GRID2: variants seen among roughly 807,000 people sequenced by gnomAD.
GRID2 encodes the protein glutamate receptor ionotropic, delta-2.
A neutral mutation model predicts 114.8 loss-of-function variants in GRID2; 33 were observed. The observed-to-expected ratio is 0.29, with a 90% CI of 0.22 to 0.38. GRID2 has a LOEUF of 0.38. Ranked by LOEUF, GRID2 falls within the 10% of genes least tolerant of loss-of-function variation. GRID2 has a pLI of 1.00. For synonymous variants in GRID2, 505 were observed against 449.9 expected (o/e 1.12, Z -1.55); for missense variants, 1,184 against 1,257.7 (o/e 0.94, Z 0.89).
chr4:93,319,024 C>G (rs1260276912), intron 8 of GRID2: 1 of 152,086 alleles, frequency 6.6e-6, no homozygotes, highest in Non-Finnish European at 1.5e-5. Context: ...ATACTCCAAT[C>G]GTAATAGTAA....
At chr4:92,618,361 G>A (rs1411558423) in intron 2 of GRID2, among the ~76,000 whole-genome samples, 1 of 151,522 alleles carries the variant, frequency 6.6e-6, no homozygotes, top group Non-Finnish European at 1.5e-5. Context: ...CTGTTTAATT[G>A]GTCTATATTT....
intron 1 of GRID2, among the ~76,000 whole-genome samples, chr4:92,489,490 A>G (rs1723048071): frequency 2.0e-5 from 3 of 152,000 alleles, no homozygotes; most frequent in East Asian, 1.9e-4. Flanking sequence ...AAATCATGGT[A>G]CAAGTTTAAT....
rs573930081 is a variant in GRID2 at position 92,833,607 on chromosome 4, A to G, written c.244+243321A>G. ...TTTACCATCACATAAACAGCTACAG[A>G]TGAAGAATAAAAGGATAACCAATTC... On this transcript the variant is annotated intron_variant, in intron 2 of 15. Transcript: ENST00000282020. The G allele has an allele frequency of 2.0e-5, 3 of 152,344 alleles. No individual in the cohort carries two copies. The South Asian group carries it at 6.2e-4, about 32-fold the overall frequency. The allele number at this position is 152,344 out of a possible 1,614,324, so 9.4% of individuals were successfully genotyped here. A position where few individuals can be genotyped will look rare whatever the true frequency, so the allele number is the denominator to read the frequency against.
intron 2 of GRID2, among the ~76,000 whole-genome samples, chr4:92,920,053 T>TAGGA (rs1327949657): frequency 6.6e-6 from 1 of 152,210 alleles, no homozygotes; most frequent in Admixed American, 6.5e-5. Context: ...CATATGTATT[T>TAGGA]AGGATAGTTA....
intron 1 of GRID2, among the ~76,000 whole-genome samples, chr4:92,412,072 T>C (rs1731364640): frequency 6.6e-6 from 1 of 151,892 alleles, no homozygotes; most frequent in African/African-American, 2.4e-5. Context: ...ACTATACATT[T>C]TTATTTTCAA....
rs528309006 is a variant in GRID2 at position 93,219,165 on chromosome 4, A to G, written c.963+2254A>G. Reference sequence around the variant, plus strand: ...ATTCTAAATAGAAAAAAAGGAAAGAATTTTGATTTAGAAAATTATAAAATA... The same window carrying G: ...ATTCTAAATAGAAAAAAAGGAAAGAGTTTTGATTTAGAAAATTATAAAATA... On this transcript the variant is annotated intron_variant, in intron 6 of 15. Coordinates refer to ENST00000282020, the MANE Select transcript of GRID2 (RefSeq NM_001510.4). Among the ~76,000 whole-genome samples the G allele has an allele frequency of 1.4e-3, 215 of 152,340 alleles. 1 individual carries two copies. Among genetic ancestry groups the G allele is most frequent in the Non-Finnish European group, 2.5e-3 (169 of 68,024 alleles).
intron 2 of GRID2, among the ~76,000 whole-genome samples, chr4:93,031,363 G>A (rs566215939): frequency 4.7e-4 from 72 of 152,060 alleles, no homozygotes; most frequent in African/African-American, 1.7e-3. Flanking sequence ...ACTCTCCTAC[G>A]GATATAATTA....
intron 8 of GRID2, among the ~76,000 whole-genome samples, chr4:93,246,383 C>A (rs968023844): frequency 6.6e-6 from 1 of 151,880 alleles, no homozygotes; most frequent in Non-Finnish European, 1.5e-5. Flanking sequence ...GTCAGGAGAT[C>A]GAGATCATCC....
At position 92,713,461 on chromosome 4, in the gene GRID2, T is replaced by TTACATA. The variant is rs200900799; in HGVS notation, c.244+123190_244+123195dup. On this transcript the variant is annotated intron_variant, in intron 2 of 15. Coordinates refer to ENST00000282020, the MANE Select transcript of GRID2 (RefSeq NM_001510.4). ...GTTAACATAGACAGTTTACATATAT[T>TTACATA]TACATATACATATACATATATATAT... Among the ~76,000 whole-genome samples the TTACATA allele has an allele frequency of 1.1e-3, 95 of 85,560 alleles. 1 individual carries two copies. Among genetic ancestry groups the TTACATA allele is most frequent in the South Asian group, 2.6e-3 (6 of 2,350 alleles). 56.1% of individuals were successfully genotyped at this position (85,560 alleles called of 152,430 possible). A position where few individuals can be genotyped will look rare whatever the true frequency, so the allele number is the denominator to read the frequency against.
At chr4:93,542,274 T>C (rs1025189556) in intron 13 of GRID2, among the ~76,000 whole-genome samples, 1 of 152,130 alleles carries the variant, frequency 6.6e-6, no homozygotes, top group Non-Finnish European at 1.5e-5. Flanking sequence ...GTTTATTGAG[T>C]AAAATATTTT....
At chr4:92,773,560 G>C (rs146920670) in intron 2 of GRID2, among the ~76,000 whole-genome samples, 1 of 151,962 alleles carries the variant, frequency 6.6e-6, no homozygotes, top group East Asian at 1.9e-4. Context: ...TTCTTTTAAA[G>C]TCCAAGATTT....
intron 13 of GRID2, among the ~76,000 whole-genome samples, chr4:93,562,305 A>C (rs979725950): frequency 1.6e-4 from 24 of 152,074 alleles, no homozygotes; most frequent in African/African-American, 5.8e-4. Context: ...TAATAATAAT[A>C]AGATGTCATA....
chr4:92,545,484 T>C (rs1726200696), intron 1 of GRID2, among the ~76,000 whole-genome samples: 1 of 152,108 alleles, frequency 6.6e-6, no homozygotes. Context: ...AAACGTCAGG[T>C]TGATTCTTTT....
At chr4:93,184,562 T>C (rs942490883) in intron 4 of GRID2, among the ~76,000 whole-genome samples, 1 of 147,882 alleles carries the variant, frequency 6.8e-6, no homozygotes, top group Non-Finnish European at 1.5e-5. Flanking sequence ...ATTTCTCAAG[T>C]CCCTACAGCT....
At chr4:93,048,382 G>A (rs969203676) in intron 2 of GRID2, among the ~76,000 whole-genome samples, 3 of 151,674 alleles carry the variant, frequency 2.0e-5, no homozygotes, top group African/African-American at 7.3e-5. Flanking sequence ...TTTCAGTGAG[G>A]GTCCTAGTCT....
intron 2 of GRID2, among the ~76,000 whole-genome samples, chr4:92,970,975 GTGTA>G (rs1039847934): frequency 2.6e-5 from 4 of 151,392 alleles, no homozygotes; most frequent in Admixed American, 1.3e-4. Flanking sequence ...TACATCGTGC[GTGTA>G]TGTGTGTCTG....
intron 1 of GRID2, among the ~76,000 whole-genome samples, chr4:92,315,112 A>C (rs532685259): frequency 6.6e-6 from 1 of 152,296 alleles, no homozygotes; most frequent in Non-Finnish European, 1.5e-5. Flanking sequence ...GTATTAATAT[A>C]ACCATAAGTT....
chr4:92,533,921 G>A (rs1725479787), intron 1 of GRID2, among the ~76,000 whole-genome samples: 1 of 151,768 alleles, frequency 6.6e-6, no homozygotes, highest in African/African-American at 2.4e-5. Flanking sequence ...TAATTCTATA[G>A]ATTAAAAAGG....
chr4:92,329,019 C>T (rs1252826476), intron 1 of GRID2, among the ~76,000 whole-genome samples: 1 of 151,934 alleles, frequency 6.6e-6, no homozygotes, highest in Non-Finnish European at 1.5e-5. Flanking sequence ...TCCCTAGTCT[C>T]CTGGGTAGAG....
Sources: allele counts gnomAD v4.1 joint callset (sites outside exome capture counted in the v4.1 genomes callset), GRCh38; gene constraint gnomAD v4.1.1; transcripts MANE v1.5; gene names NCBI Gene and HGNC (gene_info 2026-07-23, HGNC 2026-07-21).